Variants in DMXL1 observed in about 807,000 individuals in gnomAD.
The protein encoded by DMXL1 is dmX-like protein 1.
Under a neutral mutation model 319.2 loss-of-function variants are expected in DMXL1, and 99 were observed. The ratio of observed to expected loss-of-function variants is 0.31; its 90% CI spans 0.26 to 0.37. The LOEUF (loss-of-function observed/expected upper bound fraction) is 0.37. DMXL1 is among the 10% of genes least tolerant of loss of function. DMXL1 has a pLI of 1.00. For missense variants in DMXL1, 3,745 were observed against 3,595.6 expected (o/e 1.04, Z -1.06); for synonymous variants, 1,385 against 1,235.2 (o/e 1.12, Z -2.54).
intron 2 of DMXL1, among the ~76,000 whole-genome samples, chr5:119,099,763 A>G (rs1227540305): frequency 6.6e-6 from 1 of 152,180 alleles, no homozygotes; most frequent in Admixed American, 6.6e-5. Flanking sequence ...GAGCTTTAGG[A>G]GGGTCAAGGT....
chr5:119,093,489 T>C (rs1755255196), intron 1 of DMXL1, among the ~76,000 whole-genome samples: 3 of 152,188 alleles, frequency 2.0e-5, no homozygotes, highest in Admixed American at 1.3e-4. Context: ...TTTGTTACTA[T>C]TGTAATGGTT....
At chr5:119,188,295 G>A (rs112238988) in intron 28 of DMXL1, among the ~76,000 whole-genome samples, 3,393 of 152,036 alleles carry the variant, frequency 0.022, 112 homozygotes, top group African/African-American at 0.077. Context: ...ACAGCCAGGT[G>A]CAGTGGCACA....
chr5:119,223,811 A>G (rs903604262), intron 37 of DMXL1, among the ~76,000 whole-genome samples: 1 of 152,140 alleles, frequency 6.6e-6, no homozygotes, highest in Non-Finnish European at 1.5e-5. Flanking sequence ...AAGAATAGGA[A>G]CCTTCAGGCA....
At position 119,174,713 on chromosome 5, in the gene DMXL1, G is replaced by A. The variant is rs114697532; in HGVS notation, c.6682-548G>A. Among the ~76,000 whole-genome samples, 818 of 152,310 alleles carry A rather than the reference G, an allele frequency of 5.4e-3. 3 individuals are homozygous for A. Among genetic ancestry groups the A allele is most frequent in the African/African-American group, 0.019 (789 of 41,568 alleles). ...TGGCCCTTGCCATGCCATGTTTAGA[G>A]TCTTCTCTTCCTTAAAACAAATGCC... On this transcript the variant is annotated intron_variant, in intron 25 of 43. Coordinates refer to ENST00000539542, the MANE Select transcript of DMXL1 (RefSeq NM_001290321.3).
At position 119,089,657 on chromosome 5, in the gene DMXL1, C is replaced by A. The variant is rs1429773110; in HGVS notation, c.88-8322C>A. 9.2e-5 allele frequency among the ~76,000 whole-genome samples: 13 copies of A among 141,058 alleles called. No individual in the cohort carries two copies. The East Asian group carries it at 2.9e-3, about 31-fold the overall frequency. The allele number at this position is 141,058 out of a possible 152,430, so 92.5% of individuals were successfully genotyped here. ...TTTTTTTTTTTGAGACAGAGTTTCA[C>A]TCTTGTTGCCCAGGCTGGTGTGCAA... On this transcript the variant is annotated intron_variant, in intron 1 of 43. Transcript: ENST00000539542.
intron 13 of DMXL1, among the ~76,000 whole-genome samples, chr5:119,137,147 C>G (rs147430248): frequency 6.6e-6 from 1 of 152,342 alleles, no homozygotes; most frequent in African/African-American, 2.4e-5. Context: ...TGTCAATGTG[C>G]CCTGGATGCA....
intron 8 of DMXL1, 126 bp from the exon 9 acceptor site, chr5:119,120,845 T>C (rs1761883052): frequency 1.9e-5 from 14 of 719,614 alleles, no homozygotes; most frequent in Non-Finnish European, 2.0e-6. Flanking sequence ...TTAAAAGGCG[T>C]TTTTACATAT....
At chr5:119,116,015 G>T in intron 6 of DMXL1, 143 bp from the exon 7 acceptor site, 1 of 715,006 alleles carries the variant, frequency 1.4e-6, no homozygotes, top group Non-Finnish European at 2.2e-6. Flanking sequence ...GCCAGAATCA[G>T]AATTTTCTTA....
chr5:119,129,465 A>AGTTTTGC, intron 10 of DMXL1, 42 bp downstream of exon 10: 2 of 1,414,564 alleles, frequency 1.4e-6, no homozygotes, highest in Non-Finnish European at 1.9e-6. Context: ...TTTTGCTCAA[A>AGTTTTGC]ATAGCAAACA....
At chr5:119,097,440 G>A (rs1016295220) in intron 1 of DMXL1, among the ~76,000 whole-genome samples, 19 of 152,106 alleles carry the variant, frequency 1.2e-4, no homozygotes, top group African/African-American at 3.9e-4. Context: ...AAAGTGAGCC[G>A]GGCGCAGTGG....
At chr5:119,136,235 C>G (rs1333902745) in intron 13 of DMXL1, among the ~76,000 whole-genome samples, 1 of 152,204 alleles carries the variant, frequency 6.6e-6, no homozygotes, top group Non-Finnish European at 1.5e-5. Context: ...TTTAGGTTAT[C>G]TGGCAGAAGA....
chr5:119,116,650 G>A (rs1036627972), intron 7 of DMXL1, among the ~76,000 whole-genome samples: 1 of 152,086 alleles, frequency 6.6e-6, no homozygotes. Flanking sequence ...ATTTTCTCCA[G>A]ATTGTTGTTT....
intron 4 of DMXL1, among the ~76,000 whole-genome samples, chr5:119,105,667 G>C (rs1442948800): frequency 6.6e-6 from 1 of 152,068 alleles, no homozygotes; most frequent in African/African-American, 2.4e-5. Context: ...AGGCTGAGGT[G>C]GGCAGATCAC....
intron 3 of DMXL1, among the ~76,000 whole-genome samples, chr5:119,102,607 G>C (rs1156971944): frequency 6.6e-6 from 1 of 152,136 alleles, no homozygotes. Flanking sequence ...CATAAGGCCA[G>C]GAGTTTGAAA....
chr5:119,172,208 TA>T (rs1206271669), intron 25 of DMXL1, among the ~76,000 whole-genome samples: 2 of 152,242 alleles, frequency 1.3e-5, no homozygotes, highest in African/African-American at 4.8e-5. Flanking sequence ...CCTAGTTATT[TA>T]GTCTAGCTGC....
intron 1 of DMXL1, 134 bp from the exon 2 acceptor site, chr5:119,097,845 T>G: frequency 1.2e-6 from 1 of 812,410 alleles, no homozygotes; most frequent in Non-Finnish European, 1.8e-6. Flanking sequence ...GATTTTTTTT[T>G]TAAGAAAACA....
chr5:119,197,233 A>G (rs1561852285), intron 31 of DMXL1, among the ~76,000 whole-genome samples: 1 of 152,204 alleles, frequency 6.6e-6, no homozygotes, highest in Non-Finnish European at 1.5e-5. Context: ...GGGGTGTCCA[A>G]TCTTTTGGCT....
At position 119,244,316 on chromosome 5, in the gene DMXL1, T is replaced by C. The variant is rs775564846; in HGVS notation, c.8705-43T>C. The stretch of plus-strand genomic sequence containing the variant: ...AGCCAAAAGCCAGAAGTCTATTTCT[T>C]TTATTGTTAAGTGTTTTTGTTTTTT... On this transcript the variant is annotated intron_variant, in intron 42 of 43. Coordinates refer to ENST00000539542, the MANE Select transcript of DMXL1 (RefSeq NM_001290321.3). 7.4e-6 allele frequency: 11 copies of C among 1,493,200 alleles called. No homozygotes were observed. The African/African-American group carries it at 1.6e-4, about 21-fold the overall frequency. 92.5% of individuals were successfully genotyped at this position (1,493,200 alleles called of 1,614,324 possible).
At chr5:119,143,794 T>G (rs943969427) in intron 13 of DMXL1, 47 bp from the exon 14 acceptor site, 1 of 1,268,266 alleles carries the variant, frequency 7.9e-7, no homozygotes, top group African/African-American at 1.5e-5. Flanking sequence ...TACTCTTATT[T>G]GCATATGAAT....
Sources: allele counts gnomAD v4.1 joint callset (sites outside exome capture counted in the v4.1 genomes callset), GRCh38; gene constraint gnomAD v4.1.1; transcripts MANE v1.5; gene names NCBI Gene and HGNC (gene_info 2026-07-23, HGNC 2026-07-21).